TMEM120B: variants seen among roughly 807,000 people sequenced by gnomAD.
TMEM120B encodes the protein transmembrane protein 120B.
In TMEM120B, 31 loss-of-function variants were observed where a neutral mutation model predicts 55.5. The ratio of observed to expected loss-of-function variants is 0.56; its 90% CI spans 0.42 to 0.75. TMEM120B has a LOEUF of 0.75. Among genes scored for constraint, TMEM120B ranks in the 30% least tolerant of loss-of-function variants. The pLI is 0.00. For missense variants in TMEM120B, 399 were observed against 425.5 expected (o/e 0.94, Z 0.55); for synonymous variants, 203 against 176.3 (o/e 1.15, Z -1.20).
chr12:121,775,555 G>A lies in TMEM120B; in HGVS notation c.907-54G>A. 1 of 1,569,562 alleles carries A rather than the reference G, an allele frequency of 6.4e-7. No homozygotes were observed. The highest frequency in any genetic ancestry group is 8.6e-7 in the Non-Finnish European group (1 of 1,156,334). Reference sequence around the variant, plus strand: ...TGGAGATTCTGGGGTGCTGGGGGCAGGGGTTCAGCAGGGCAGATGCCCCAG... The same window carrying A: ...TGGAGATTCTGGGGTGCTGGGGGCAAGGGTTCAGCAGGGCAGATGCCCCAG... On this transcript the variant is annotated intron_variant, in intron 11 of 11. Transcript: ENST00000449592. This position sits in a 1 kb window ranked among gnomAD's most constrained non-coding sequence, Gnocchi z 4.3.
Position 121,727,441 on chromosome 12 carries a change from CAGG to C in TMEM120B, c.69+14482_69+14484del, listed in dbSNP as rs755166896. ...GTTCCAGCTTCTCGGGAGGCTGAGGCAGGAGGATCACTTGAGCTGGGGAAGTTG... is the reference window on the plus strand; with the variant it reads ...GTTCCAGCTTCTCGGGAGGCTGAGGCAGGATCACTTGAGCTGGGGAAGTTG... On this transcript the variant is annotated intron_variant, in intron 1 of 11. Coordinates refer to ENST00000449592, the MANE Select transcript of TMEM120B (RefSeq NM_001080825.2). Among the ~76,000 whole-genome samples, 22 of 149,722 alleles carry C rather than the reference CAGG, an allele frequency of 1.5e-4. No individual in the cohort carries two copies. The East Asian group carries it at 4.3e-3, about 30-fold the overall frequency.
Position 121,773,465 on chromosome 12 carries a change from T to G in TMEM120B, c.724T>G (p.Tyr242Asp), listed in dbSNP as rs778256281. The G allele has an allele frequency of 6.2e-7, 1 of 1,609,698 alleles. No homozygotes were observed. The highest frequency in any genetic ancestry group is 8.5e-7 in the Non-Finnish European group (1 of 1,177,688). ...LQYYYQRGCL[Y>D]RLRALGERNH... The stretch of plus-strand genomic sequence containing the variant: ...ATATTATTACCAGAGGGGCTGCCTC[T>G]ACCGGCTGCGGGCCCTGGGGGAGAG... Residue 242 changes from tyrosine (Y) to aspartate (D), a missense_variant, in exon 9 of 12, where the codon TAC becomes GAC. By Grantham distance (160) the Tyr-to-Asp change is radical. Coordinates refer to ENST00000449592, the MANE Select transcript of TMEM120B (RefSeq NM_001080825.2).
intron 1 of TMEM120B, among the ~76,000 whole-genome samples, chr12:121,739,612 A>AAGG (rs971258313): frequency 3.9e-5 from 6 of 151,960 alleles, no homozygotes; most frequent in Non-Finnish European, 4.4e-5. Context: ...AGCTGGGACT[A>AAGG]CAGGCGCCCG....
chr12:121,778,335 C>T lies in TMEM120B; in HGVS notation c.*2613C>T, dbSNP rs2137453736. ...ACGTGGTGGTGTGCGCATGTAGTCC[C>T]AGCTACTCAGGAGGCTGAGGCAAGA... is the stretch of plus-strand genomic sequence containing the variant. On this transcript the variant is annotated 3_prime_UTR_variant, in exon 12 of 12. Coordinates refer to ENST00000449592, the MANE Select transcript of TMEM120B (RefSeq NM_001080825.2). 6.6e-6 allele frequency: 1 copy of T among 151,870 alleles called. No homozygotes were observed. The highest frequency in any genetic ancestry group is 2.1e-4 in the South Asian group (1 of 4,822). The allele number at this position is 151,870 out of a possible 1,614,324, so 9.4% of individuals were successfully genotyped here. A position where few individuals can be genotyped will look rare whatever the true frequency, so the allele number is the denominator to read the frequency against.
chr12:121,769,922 G>A (rs776045658), intron 6 of TMEM120B, among the ~76,000 whole-genome samples: 1 of 152,086 alleles, frequency 6.6e-6, no homozygotes, highest in Non-Finnish European at 1.5e-5. Flanking sequence ...TGAAGGAGGT[G>A]AAGTGGGGCA....
chr12:121,751,242 C>T (rs1196774599), intron 4 of TMEM120B, among the ~76,000 whole-genome samples: 1 of 123,890 alleles, frequency 8.1e-6, no homozygotes, highest in East Asian at 2.6e-4. Context: ...CCCCCATTCA[C>T]ACCCCACACC....
intron 1 of TMEM120B, among the ~76,000 whole-genome samples, chr12:121,727,456 A>C (rs1365620906): frequency 2.0e-5 from 3 of 147,608 alleles, no homozygotes; most frequent in Non-Finnish European, 3.0e-5. Flanking sequence ...GGATCACTTG[A>C]GCTGGGGAAG....
intron 1 of TMEM120B, among the ~76,000 whole-genome samples, chr12:121,736,280 T>G (rs967133096): frequency 5.4e-5 from 8 of 147,440 alleles, no homozygotes; most frequent in Non-Finnish European, 9.3e-5. Context: ...GTTCACTCCA[T>G]TCTCCTGCCT....
chr12:121,757,337 ATTTTG>A (rs1198489144), intron 5 of TMEM120B, among the ~76,000 whole-genome samples: 2 of 150,754 alleles, frequency 1.3e-5, no homozygotes, highest in East Asian at 2.0e-4. Flanking sequence ...AATTTTTTGT[ATTTTG>A]TTTTGTTTTG....
intron 1 of TMEM120B, 47 bp downstream of exon 1, chr12:121,713,011 G>A: frequency 6.8e-7 from 1 of 1,466,554 alleles, no homozygotes; most frequent in Non-Finnish European, 9.1e-7. Context: ...CCGCGGTGCA[G>A]CGCCTTGCCC....
intron 9 of TMEM120B, 130 bp from the exon 10 acceptor site, chr12:121,774,528 G>C (rs1210090079): frequency 1.2e-6 from 1 of 814,950 alleles, no homozygotes; most frequent in Non-Finnish European, 2.0e-6. Context: ...GGTGAGGGCT[G>C]ACCCCCCGCA....
In TMEM120B at chr12:121,743,685, G is replaced by A. The variant is rs762451340; in HGVS notation, c.126G>A (p.Leu42=). The A allele has an allele frequency of 1.8e-5, 29 of 1,613,588 alleles. No homozygotes were observed. In the East Asian group the frequency reaches 6.5e-4, roughly 36 times the overall value. The change falls in exon 2 of 12, where the codon CTG becomes CTA. Residue 42 remains leucine, a synonymous_variant. Transcript: ENST00000449592. ...KLEELAALQT[L]CSSSISKQKK... ...AGGAGCTGGCTGCGCTGCAGACGCT[G>A]TGTAGCAGTTCCATCAGTAAGCAGA...
At chr12:121,743,342 A>T (rs1592933932) in intron 1 of TMEM120B, among the ~76,000 whole-genome samples, 1 of 151,736 alleles carries the variant, frequency 6.6e-6, no homozygotes, top group Non-Finnish European at 1.5e-5. Flanking sequence ...CAAGGCCAGG[A>T]GTTCGAGACC....
At position 121,752,121 on chromosome 12, in the gene TMEM120B, G is replaced by A. The variant is rs375975846; in HGVS notation, c.366-7G>A. The A allele has an allele frequency of 1.1e-4, 173 of 1,612,606 alleles. No individual in the cohort carries two copies. The highest frequency in any genetic ancestry group is 5.3e-4 in the African/African-American group (40 of 74,928). ...GGGCACACCCCTGGGCGTGTCTGTC[G>A]TGGCAGGTTCGCCTACAAGGACGAA... On this transcript the variant is annotated splice_region_variant and splice_polypyrimidine_tract_variant and intron_variant, in intron 4 of 11. Coordinates refer to ENST00000449592, the MANE Select transcript of TMEM120B (RefSeq NM_001080825.2).
intron 1 of TMEM120B, among the ~76,000 whole-genome samples, chr12:121,720,228 A>AC (rs1275009297): frequency 4.6e-5 from 7 of 151,692 alleles, no homozygotes; most frequent in Non-Finnish European, 8.8e-5. Flanking sequence ...CCACGCACAG[A>AC]CCCCCACTTA....
intron 8 of TMEM120B, among the ~76,000 whole-genome samples, 176 bp downstream of exon 8, chr12:121,771,725 CCACCT>C (rs1390558479): frequency 6.6e-6 from 1 of 152,126 alleles, no homozygotes; most frequent in Non-Finnish European, 1.5e-5. Flanking sequence ...TCAGCTCCAC[CCACCT>C]CCCAGCCCCC....
In TMEM120B at chr12:121,775,403, A is replaced by G. The variant is rs1340416166; in HGVS notation, c.907-206A>G. 1 of 981,786 alleles carries G rather than the reference A, an allele frequency of 1.0e-6. No individual in the cohort carries two copies. Among genetic ancestry groups the G allele is most frequent in the Non-Finnish European group, 1.2e-6 (1 of 826,894 alleles). 60.8% of individuals were successfully genotyped at this position (981,786 alleles called of 1,614,324 possible). A position where few individuals can be genotyped will look rare whatever the true frequency, so the allele number is the denominator to read the frequency against. ...CTCTCCCAATCTGTGGATCCCAAGG[A>G]GGTTCGCCCCATCGAGCCCTTCCCA... is the stretch of plus-strand genomic sequence containing the variant. On this transcript the variant is annotated intron_variant, in intron 11 of 11. Coordinates refer to ENST00000449592, the MANE Select transcript of TMEM120B (RefSeq NM_001080825.2). This position sits in a 1 kb window ranked among gnomAD's most constrained non-coding sequence, Gnocchi z 4.3.
At chr12:121,763,449 A>C (rs1355471444) in intron 6 of TMEM120B, among the ~76,000 whole-genome samples, 1 of 151,014 alleles carries the variant, frequency 6.6e-6, no homozygotes, top group Non-Finnish European at 1.5e-5. Flanking sequence ...GGCGTGAGCC[A>C]CTGCACCTGG....
At chr12:121,740,059 G>A (rs1298200499) in intron 1 of TMEM120B, among the ~76,000 whole-genome samples, 1 of 152,074 alleles carries the variant, frequency 6.6e-6, no homozygotes, top group Non-Finnish European at 1.5e-5. Flanking sequence ...GATTACAGGC[G>A]TGAGCCAACG....
Sources: gnomAD v4.1 joint callset for allele counts (sites outside exome capture counted in the v4.1 genomes callset) on GRCh38, gnomAD v4.1.1 for gene constraint, Gnocchi (gnomAD v3.1) non-coding constraint, MANE v1.5 for transcripts, NCBI Gene and HGNC (gene_info 2026-07-23, HGNC 2026-07-21) for gene names.